DDAH1: variants seen among roughly 807,000 people sequenced by gnomAD.
DDAH1 encodes dimethylarginine dimethylaminohydrolase 1.
A neutral mutation model predicts 28.8 loss-of-function variants in DDAH1; 19 were observed. The ratio of observed to expected loss-of-function variants is 0.66; its 90% CI spans 0.46 to 0.97. The LOEUF (loss-of-function observed/expected upper bound fraction) is 0.97. Ranked by LOEUF, DDAH1 falls within the 50% of genes least tolerant of loss-of-function variation. The pLI is 0.00. For missense variants in DDAH1, 326 were observed against 375.9 expected, an observed-to-expected ratio of 0.87 and a Z score of 1.10; for synonymous variants, 153 against 154.4, an observed-to-expected ratio of 0.99 and a Z score of 0.07.
intron 1 of DDAH1, among the ~76,000 whole-genome samples, chr1:85,447,560 T>C (rs1396552149): frequency 6.6e-6 from 1 of 152,156 alleles, no homozygotes; most frequent in Admixed American, 6.5e-5. Flanking sequence ...TCCTCCTCCT[T>C]CTTGCAGGAA....
chr1:85,537,142 A>C (rs1344420114), intron 1 of DDAH1, among the ~76,000 whole-genome samples: 4 of 151,474 alleles, frequency 2.6e-5, no homozygotes, highest in Non-Finnish European at 5.9e-5. Flanking sequence ...GGAGTTCGTG[A>C]CCAACCTGGC....
rs987581859 is a variant in DDAH1 at position 85,319,094 on chromosome 1, T to C, written c.*2358A>G. 6.6e-6 allele frequency: 1 copy of C among 152,242 alleles called. No homozygotes were observed. Among genetic ancestry groups the C allele is most frequent in the African/African-American group, 2.4e-5 (1 of 41,464 alleles). The allele number at this position is 152,242 out of a possible 1,614,324, so 9.4% of individuals were successfully genotyped here. A position where few individuals can be genotyped will look rare whatever the true frequency, so the allele number is the denominator to read the frequency against. ...CAGATGAGGAAAACTTATGTGATAGTATCTTTCCTTTTCAAAAATAACATT... is the reference window on the plus strand; with the variant it reads ...CAGATGAGGAAAACTTATGTGATAGCATCTTTCCTTTTCAAAAATAACATT... On this transcript the variant is annotated 3_prime_UTR_variant, in exon 6 of 6. Transcript: ENST00000284031.
At chr1:85,441,411 T>C (rs1654185384) in intron 1 of DDAH1, among the ~76,000 whole-genome samples, 1 of 151,982 alleles carries the variant, frequency 6.6e-6, no homozygotes. Context: ...CGTGGTGGCA[T>C]GCGCCTGTAG....
At chr1:85,342,914 A>ATGTT (rs1181896148) in intron 4 of DDAH1, among the ~76,000 whole-genome samples, 1 of 152,214 alleles carries the variant, frequency 6.6e-6, no homozygotes, top group Non-Finnish European at 1.5e-5. Context: ...CCAGGGTAGT[A>ATGTT]TGTTTTCAGA....
intron 1 of DDAH1, among the ~76,000 whole-genome samples, chr1:85,530,028 G>A (rs1408285433): frequency 5.0e-5 from 7 of 140,994 alleles, no homozygotes; most frequent in African/African-American, 1.3e-4. Context: ...GCTGACCCAC[G>A]CATTTGGAAA....
At chr1:85,425,509 G>A (rs1272413809) in intron 1 of DDAH1, among the ~76,000 whole-genome samples, 1 of 152,098 alleles carries the variant, frequency 6.6e-6, no homozygotes. Context: ...CTTAGAGAAT[G>A]CATTCTTAAG....
rs1345916526 is a variant in DDAH1, at chr1:85,465,072, CGGCGGCGGA to C, written c.-36_-28del. 8.2e-6 allele frequency: 10 copies of C among 1,226,114 alleles called. No homozygotes were observed. Among genetic ancestry groups the C allele is most frequent in the African/African-American group, 1.6e-5 (1 of 63,706 alleles). 76.0% of individuals were successfully genotyped at this position (1,226,114 alleles called of 1,614,324 possible). ...GCTTCGGGAGGCTTAGGGGCGGCGG[CGGCGGCGGA>C]GGCGGCCGGGTCCTGCCGCGGGCAG... On this transcript the variant is annotated 5_prime_UTR_variant, in exon 1 of 6. Transcript: ENST00000284031.
intron 1 of DDAH1, among the ~76,000 whole-genome samples, chr1:85,516,312 G>A (rs1248698341): frequency 6.8e-6 from 1 of 146,202 alleles, no homozygotes; most frequent in African/African-American, 2.5e-5. Context: ...TTTCTAGCTG[G>A]ACAAAGTTTG....
intron 1 of DDAH1, among the ~76,000 whole-genome samples, chr1:85,428,820 A>G (rs554707702): frequency 6.6e-6 from 1 of 152,180 alleles, no homozygotes; most frequent in East Asian, 1.9e-4. Flanking sequence ...ACGCTGCTGG[A>G]TTAAAATTTT....
intron 1 of DDAH1, among the ~76,000 whole-genome samples, chr1:85,363,168 G>T (rs566243065): frequency 6.6e-6 from 1 of 152,044 alleles, no homozygotes; most frequent in African/African-American, 2.4e-5. Context: ...TCACATCTTC[G>T]TTCTAAATGT....
intron 1 of DDAH1, among the ~76,000 whole-genome samples, chr1:85,438,429 G>A (rs887071551): frequency 6.6e-6 from 1 of 152,188 alleles, no homozygotes; most frequent in African/African-American, 2.4e-5. Context: ...GCTCAAGAAT[G>A]TAGAGGTTTA....
chr1:85,352,499 T>C (rs1649274058), intron 2 of DDAH1, among the ~76,000 whole-genome samples: 1 of 152,118 alleles, frequency 6.6e-6, no homozygotes, highest in Admixed American at 6.5e-5. Context: ...GCCCACCATA[T>C]TTGTGATTGT....
chr1:85,340,412 T>C (rs577072809), intron 4 of DDAH1, among the ~76,000 whole-genome samples: 1 of 152,324 alleles, frequency 6.6e-6, no homozygotes, highest in South Asian at 2.1e-4. Context: ...CACGCCATTG[T>C]GGTAGTTATT....
upstream of DDAH1, among the ~76,000 whole-genome samples, chr1:85,468,835 A>G (rs1655514889): frequency 6.6e-6 from 1 of 152,070 alleles, no homozygotes; most frequent in Non-Finnish European, 1.5e-5. Flanking sequence ...CTCCTTTATT[A>G]AACCATCAGA....
chr1:85,356,697 ATTAAC>A (rs1649505302), intron 2 of DDAH1, among the ~76,000 whole-genome samples: 2 of 152,248 alleles, frequency 1.3e-5, no homozygotes, highest in South Asian at 4.1e-4. Context: ...CTATTAACAC[ATTAAC>A]TTAAGTATTG....
intron 1 of DDAH1, among the ~76,000 whole-genome samples, chr1:85,509,070 G>C (rs1166209522): frequency 6.6e-6 from 1 of 152,208 alleles, no homozygotes. Context: ...TCCTAGTAGG[G>C]GCTGACAGAT....
chr1:85,427,176 C>G (rs1030517750), intron 1 of DDAH1, among the ~76,000 whole-genome samples: 1 of 151,484 alleles, frequency 6.6e-6, no homozygotes, highest in African/African-American at 2.4e-5. Flanking sequence ...ATACAGGTCT[C>G]TGATTCTCAT....
intron 4 of DDAH1, among the ~76,000 whole-genome samples, chr1:85,326,881 A>G (rs1647439083): frequency 6.6e-6 from 1 of 152,212 alleles, no homozygotes; most frequent in Non-Finnish European, 1.5e-5. Context: ...GAAGTTAAAG[A>G]CACTCCTAAA....
At chr1:85,475,323 G>A (rs143418897) in intron 2 of DDAH1, among the ~76,000 whole-genome samples, 1 of 152,364 alleles carries the variant, frequency 6.6e-6, no homozygotes, top group African/African-American at 2.4e-5. Flanking sequence ...GATGATGGAG[G>A]AGGAGAAGGG....
Sources: gnomAD v4.1 joint callset for allele counts (sites outside exome capture counted in the v4.1 genomes callset) on GRCh38, gnomAD v4.1.1 for gene constraint, MANE v1.5 for transcripts, NCBI Gene and HGNC (gene_info 2026-07-23, HGNC 2026-07-21) for gene names.